RIT2: variants seen among roughly 807,000 people sequenced by gnomAD.
The protein encoded by RIT2 is Ras like without CAAX 2, also known as GTP-binding protein Rit2.
In RIT2, 24 loss-of-function variants were observed where a neutral mutation model predicts 23.7. The observed-to-expected ratio is 1.01, with a 90% CI of 0.73 to 1.43. RIT2 has a LOEUF of 1.43. RIT2 is among the 40% of genes most tolerant of loss of function. RIT2 has a pLI of 0.00. For missense variants in RIT2, 236 were observed against 266.9 expected, an observed-to-expected ratio of 0.88 and a Z score of 0.81; for synonymous variants, 107 against 91.1, an observed-to-expected ratio of 1.17 and a Z score of -0.99.
rs555031972 is a variant in RIT2 at position 43,076,614 on chromosome 18, G to A, written c.103+38803C>T. 9.9e-4 allele frequency among the ~76,000 whole-genome samples: 150 copies of A among 152,208 alleles called. 1 individual carries two copies. Among genetic ancestry groups the A allele is most frequent in the African/African-American group, 3.3e-3 (136 of 41,532 alleles). The stretch of plus-strand genomic sequence containing the variant: ...AAAACTGTGCAGGTCATTGAGGGTG[G>A]GAAGTTGCCAGATGGTCTAATAAAG... On this transcript the variant is annotated intron_variant, in intron 1 of 4. Coordinates refer to ENST00000326695, the MANE Select transcript of RIT2 (RefSeq NM_002930.4).
chr18:42,758,242 A>G (rs576937642), intron 4 of RIT2, among the ~76,000 whole-genome samples: 8 of 152,278 alleles, frequency 5.3e-5, no homozygotes, highest in African/African-American at 1.9e-4. Context: ...AAAATAAAAT[A>G]CATTATAGGT....
At chr18:43,073,755 G>A (rs1256374245) in intron 1 of RIT2, among the ~76,000 whole-genome samples, 1 of 152,106 alleles carries the variant, frequency 6.6e-6, no homozygotes, top group Non-Finnish European at 1.5e-5. Flanking sequence ...CTGGTTGACT[G>A]GACATACCTG....
intron 3 of RIT2, among the ~76,000 whole-genome samples, chr18:42,950,276 CA>C (rs969837352): frequency 3.4e-4 from 52 of 151,996 alleles, no homozygotes; most frequent in African/African-American, 1.2e-3. Flanking sequence ...TGATCTTCAA[CA>C]AAAAATAAAC....
At chr18:42,820,290 G>C (rs1906111227) in intron 4 of RIT2, among the ~76,000 whole-genome samples, 1 of 151,776 alleles carries the variant, frequency 6.6e-6, no homozygotes, top group Non-Finnish European at 1.5e-5. Context: ...TGGAGCTGTA[G>C]ATATACAGAT....
intron 4 of RIT2, among the ~76,000 whole-genome samples, chr18:42,839,815 C>A (rs1428262638): frequency 6.6e-6 from 1 of 152,182 alleles, no homozygotes; most frequent in Non-Finnish European, 1.5e-5. Context: ...CAACCTTCAA[C>A]AACTTCCCCA....
chr18:42,766,476 G>A (rs1326770324), intron 4 of RIT2, among the ~76,000 whole-genome samples: 21 of 152,196 alleles, frequency 1.4e-4, no homozygotes, highest in Admixed American at 1.4e-3. Flanking sequence ...AAATTTCTAA[G>A]CAGCAAAGCA....
At chr18:42,866,931 C>T (rs535523593) in intron 4 of RIT2, among the ~76,000 whole-genome samples, 1 of 152,250 alleles carries the variant, frequency 6.6e-6, no homozygotes, top group African/African-American at 2.4e-5. Flanking sequence ...AGTTCTCTGT[C>T]ACCAAAGGGC....
chr18:43,108,347 CGTGTGTGTGT>C (rs138256652), intron 1 of RIT2, among the ~76,000 whole-genome samples: 3 of 149,198 alleles, frequency 2.0e-5, no homozygotes, highest in Non-Finnish European at 4.5e-5. Flanking sequence ...GGCCATATTA[CGTGTGTGTGT>C]GTGTGTGTGT....
chr18:43,055,575 G>C (rs1325485291), intron 1 of RIT2, among the ~76,000 whole-genome samples: 1 of 152,020 alleles, frequency 6.6e-6, no homozygotes, highest in Non-Finnish European at 1.5e-5. Context: ...AAAAGGGCGG[G>C]TTCATACTAC....
At chr18:43,054,184 C>G (rs140675022) in intron 1 of RIT2, among the ~76,000 whole-genome samples, 1 of 152,004 alleles carries the variant, frequency 6.6e-6, no homozygotes, top group Non-Finnish European at 1.5e-5. Context: ...AGGATGTCAA[C>G]GCTAGATTGT....
intron 1 of RIT2, among the ~76,000 whole-genome samples, chr18:43,041,209 T>C (rs1912120882): frequency 1.3e-5 from 2 of 152,298 alleles, no homozygotes; most frequent in Middle Eastern, 3.4e-3. Context: ...AGTGGCTTTA[T>C]GGATACAAAG....
At chr18:42,971,487 C>A (rs1341994482) in intron 3 of RIT2, among the ~76,000 whole-genome samples, 1 of 152,010 alleles carries the variant, frequency 6.6e-6, no homozygotes, top group Non-Finnish European at 1.5e-5. Context: ...CCACTTCACC[C>A]ACAATGAGGT....
At chr18:42,793,083 A>G (rs754199131) in intron 4 of RIT2, among the ~76,000 whole-genome samples, 14 of 152,174 alleles carry the variant, frequency 9.2e-5, no homozygotes, top group Non-Finnish European at 1.6e-4. Context: ...GTGTGTTTCA[A>G]TAATAATGTA....
At chr18:43,014,631 A>G (rs1486171237) in intron 2 of RIT2, among the ~76,000 whole-genome samples, 1 of 136,880 alleles carries the variant, frequency 7.3e-6, no homozygotes, top group Non-Finnish European at 1.6e-5. Flanking sequence ...TAAATACATA[A>G]ATTTTCTCCA....
At chr18:43,035,532 C>A (rs764571155) in intron 1 of RIT2, among the ~76,000 whole-genome samples, 6 of 152,088 alleles carry the variant, frequency 3.9e-5, no homozygotes, top group Non-Finnish European at 8.8e-5. Context: ...CCTAAACTTT[C>A]GTACTTCCAT....
intron 2 of RIT2, among the ~76,000 whole-genome samples, chr18:43,004,792 AT>A (rs1437659275): frequency 6.6e-6 from 1 of 151,788 alleles, no homozygotes; most frequent in Non-Finnish European, 1.5e-5. Context: ...AGATTTTCAC[AT>A]TGTGCTTCTT....
chr18:43,110,494 C>T (rs1170375822), intron 1 of RIT2, among the ~76,000 whole-genome samples: 1 of 152,098 alleles, frequency 6.6e-6, no homozygotes. Context: ...ACCACAGTGA[C>T]AAAGGTCAAT....
At chr18:42,842,093 A>C (rs1423134433) in intron 4 of RIT2, among the ~76,000 whole-genome samples, 3 of 152,236 alleles carry the variant, frequency 2.0e-5, no homozygotes, top group Non-Finnish European at 4.4e-5. Context: ...GCTGATATGC[A>C]ACTAATTTGC....
chr18:42,835,448 A>G (rs1338445988), intron 4 of RIT2, among the ~76,000 whole-genome samples: 1 of 152,104 alleles, frequency 6.6e-6, no homozygotes, highest in East Asian at 1.9e-4. Flanking sequence ...TTGTAAGAAG[A>G]TTTCTCCAAA....
Sources: gnomAD v4.1 joint callset for allele counts (sites outside exome capture counted in the v4.1 genomes callset) on GRCh38, gnomAD v4.1.1 for gene constraint, MANE v1.5 for transcripts, NCBI Gene and HGNC (gene_info 2026-07-23, HGNC 2026-07-21) for gene names.